Variants in CTBP1 observed in about 807,000 individuals in gnomAD.
The protein encoded by CTBP1 is C-terminal binding protein 1.
Under a neutral mutation model 42.1 loss-of-function variants are expected in CTBP1, and 11 were observed. The ratio of observed to expected loss-of-function variants is 0.26; its 90% CI spans 0.16 to 0.43. The LOEUF (loss-of-function observed/expected upper bound fraction) is 0.43. CTBP1 is among the 20% of genes least tolerant of loss of function. The pLI is 1.00. For synonymous variants in CTBP1, 324 were observed against 277.1 expected (o/e 1.17, Z -1.68); for missense variants, 399 against 624.3 (o/e 0.64, Z 3.85).
chr4:1,224,405 T>C (rs1202269509), intron 5 of CTBP1, among the ~76,000 whole-genome samples: 2 of 151,098 alleles, frequency 1.3e-5, no homozygotes, highest in African/African-American at 4.9e-5. Context: ...GTGAGACCCA[T>C]GTGTGCTGTG....
chr4:1,245,401 T>A (rs1414379882), intron 1 of CTBP1: 1 of 985,370 alleles, frequency 1.0e-6, no homozygotes. Flanking sequence ...CTACCACATG[T>A]GGGGTATCAG....
intron 3 of CTBP1, chr4:1,236,240 C>T: frequency 5.0e-6 from 1 of 201,912 alleles, no homozygotes; most frequent in Non-Finnish European, 1.0e-5. Flanking sequence ...GGAAAAGCTG[C>T]TCTGAATCAC....
At chr4:1,244,049 G>A (rs1732459099) in intron 1 of CTBP1, 1 of 985,308 alleles carries the variant, frequency 1.0e-6, no homozygotes, top group Non-Finnish European at 1.2e-6. Context: ...TGGGGGTGAG[G>A]TGAGGGGCAG....
chr4:1,248,730 A>T, intron 1 of CTBP1, 186 bp downstream of exon 1: 1 of 979,954 alleles, frequency 1.0e-6, no homozygotes, highest in Non-Finnish European at 1.2e-6. Context: ...CGCATGCGCA[A>T]GACCCTTCCC....
At chr4:1,242,106 A>C (rs1237379997) in intron 1 of CTBP1, 18 of 985,050 alleles carry the variant, frequency 1.8e-5, no homozygotes, top group African/African-American at 5.3e-5. Flanking sequence ...CAATTCTCCC[A>C]AAAAAACTGC....
rs1448853894 is a variant in CTBP1 at position 1,233,925 on chromosome 4, G to A, written c.162+4258C>T. 2.0e-5 allele frequency among the ~76,000 whole-genome samples: 3 copies of A among 152,234 alleles called. No homozygotes were observed. The highest frequency in any genetic ancestry group is 7.2e-5 in the African/African-American group (3 of 41,464). On this transcript the variant is annotated intron_variant, in intron 3 of 9. Coordinates refer to ENST00000382952, the MANE Select transcript of CTBP1 (RefSeq NM_001012614.2). The surrounding 1 kb of genome is among the most constrained non-coding windows in gnomAD (Gnocchi z 4.6). ...GAGACAGGGAGCCTGCGGCCCCGCT[G>A]CCCTCTCCACAGCCACGAGGGTCCC... is the stretch of plus-strand genomic sequence containing the variant.
At chr4:1,221,420 G>A (rs915565794) in intron 5 of CTBP1, 2 of 154,252 alleles carry the variant, frequency 1.3e-5, no homozygotes, top group African/African-American at 4.8e-5. Flanking sequence ...CCCAAGAGAC[G>A]TGAGTCTATG....
chr4:1,220,363 T>C (rs1050571364), intron 5 of CTBP1, among the ~76,000 whole-genome samples: 4 of 151,944 alleles, frequency 2.6e-5, no homozygotes, highest in Non-Finnish European at 5.9e-5. Flanking sequence ...ACAATAAACT[T>C]AATGAACTAC....
chr4:1,237,001 T>A (rs1731584874), intron 3 of CTBP1: 2 of 668,570 alleles, frequency 3.0e-6, no homozygotes, highest in African/African-American at 3.6e-5. Flanking sequence ...GTCCATCTCC[T>A]GATGGGGCAC....
intron 5 of CTBP1, among the ~76,000 whole-genome samples, chr4:1,220,020 G>A (rs1729558381): frequency 1.3e-5 from 2 of 152,266 alleles, no homozygotes; most frequent in South Asian, 4.1e-4. Context: ...TGGCCAACAT[G>A]GCAAAAACTT....
intron 3 of CTBP1, chr4:1,237,845 A>C (rs1369112172): frequency 1.4e-6 from 1 of 699,540 alleles, no homozygotes; most frequent in Non-Finnish European, 2.6e-6. Flanking sequence ...GGCTCAGGGA[A>C]AACCCCGTGT....
At chr4:1,225,587 C>A (rs1339039574) in intron 4 of CTBP1, 21 bp from the exon 5 acceptor site, 2 of 1,533,280 alleles carry the variant, frequency 1.3e-6, no homozygotes, top group African/African-American at 2.7e-5. Flanking sequence ...AAGGACACGG[C>A]GGTCACCCCC....
chr4:1,225,593 C>T (rs1730247704), intron 4 of CTBP1, 27 bp from the exon 5 acceptor site: 8 of 1,528,728 alleles, frequency 5.2e-6, no homozygotes, highest in South Asian at 2.4e-5. Context: ...ACGGCGGTCA[C>T]CCCCGGGCCG....
chr4:1,240,890 A>C (rs1732108487), intron 2 of CTBP1, among the ~76,000 whole-genome samples: 2 of 152,132 alleles, frequency 1.3e-5, no homozygotes, highest in African/African-American at 4.8e-5. Flanking sequence ...GCTGTTTCCG[A>C]CTGCACGCAC....
intron 3 of CTBP1, chr4:1,237,331 C>A (rs1486300224): frequency 4.4e-6 from 3 of 674,886 alleles, no homozygotes; most frequent in Non-Finnish European, 8.1e-6. Flanking sequence ...AACCGAGTGT[C>A]CACCTCCTGA....
intron 5 of CTBP1, among the ~76,000 whole-genome samples, chr4:1,222,291 G>C (rs969319425): frequency 6.6e-6 from 1 of 152,116 alleles, no homozygotes; most frequent in Non-Finnish European, 1.5e-5. Context: ...CCGTCCACAA[G>C]GTAGAGGCTG....
intron 3 of CTBP1, among the ~76,000 whole-genome samples, chr4:1,229,100 T>TA (rs2108759563): frequency 6.6e-6 from 1 of 152,238 alleles, no homozygotes; most frequent in African/African-American, 2.4e-5. Flanking sequence ...ACTCAGCCAG[T>TA]ACATGGCATC....
intron 3 of CTBP1, among the ~76,000 whole-genome samples, chr4:1,230,754 G>A (rs1250117): frequency 0.7 from 106,914 of 152,222 alleles, 39,715 homozygotes; most frequent in Non-Finnish European, 0.84. Flanking sequence ...TCAGATTCAC[G>A]TGAATATGAC....
intron 1 of CTBP1, among the ~76,000 whole-genome samples, chr4:1,248,064 G>A (rs1174884492): frequency 2.0e-5 from 3 of 152,240 alleles, no homozygotes; most frequent in Non-Finnish European, 4.4e-5. Flanking sequence ...CTTTGCAGCC[G>A]GGTCGAGGGA....
Sources: allele counts gnomAD v4.1 joint callset (sites outside exome capture counted in the v4.1 genomes callset), GRCh38; gene constraint gnomAD v4.1.1; non-coding constraint Gnocchi (gnomAD v3.1); transcripts MANE v1.5; gene names NCBI Gene and HGNC (gene_info 2026-07-23, HGNC 2026-07-21).